PLD5: variants seen among roughly 807,000 people sequenced by gnomAD.
PLD5 encodes inactive phospholipase D5.
In PLD5, 36 loss-of-function variants were observed where a neutral mutation model predicts 61.1. The ratio of observed to expected loss-of-function variants is 0.59; its 90% CI spans 0.45 to 0.78. The LOEUF (loss-of-function observed/expected upper bound fraction) is 0.78, where lower values mean the gene tolerates loss of function less well. Ranked by LOEUF, PLD5 falls within the 30% of genes least tolerant of loss-of-function variation. PLD5 has a pLI of 0.00. For synonymous variants in PLD5, 243 were observed against 242.8 expected (o/e 1.00, Z -0.01); for missense variants, 515 against 644.4 (o/e 0.80, Z 2.17).
chr1:242,407,289 A>T (rs1664286522), intron 1 of PLD5, among the ~76,000 whole-genome samples: 1 of 152,092 alleles, frequency 6.6e-6, no homozygotes, highest in African/African-American at 2.4e-5. Flanking sequence ...CTGTGAGTCC[A>T]TTAAACCTCT....
chr1:242,163,247 C>G (rs568847616), intron 5 of PLD5, among the ~76,000 whole-genome samples: 171 of 149,198 alleles, frequency 1.1e-3, no homozygotes, highest in African/African-American at 4.2e-3. Context: ...GGGTTCATGC[C>G]ATTCTCCTGC....
intron 2 of PLD5, among the ~76,000 whole-genome samples, chr1:242,333,633 T>C (rs776179293): frequency 3.3e-5 from 5 of 152,182 alleles, no homozygotes; most frequent in East Asian, 1.9e-4. Context: ...AACCCATTTA[T>C]ATCCTTTTCC....
Position 242,176,696 on chromosome 1 carries a change from C to A in PLD5, c.735+43292G>T, listed in dbSNP as rs577886239. On this transcript the variant is annotated intron_variant, in intron 5 of 9. Transcript: ENST00000536534. ...TGCAATCTATCCATCTGACAAAGGGCTAATATCCAGCATCTACAAAGAACT... is the reference window on the plus strand; with the variant it reads ...TGCAATCTATCCATCTGACAAAGGGATAATATCCAGCATCTACAAAGAACT... 6.6e-5 allele frequency among the ~76,000 whole-genome samples: 10 copies of A among 152,278 alleles called. No homozygotes were observed. In the South Asian group the frequency reaches 1.9e-3, roughly 28 times the overall value.
intron 1 of PLD5, among the ~76,000 whole-genome samples, chr1:242,462,831 T>C (rs1667161518): frequency 6.6e-6 from 1 of 152,250 alleles, no homozygotes; most frequent in Non-Finnish European, 1.5e-5. Context: ...GACTAGATCA[T>C]CCAATACTCC....
chr1:242,357,322 A>G (rs1660806919), intron 1 of PLD5, among the ~76,000 whole-genome samples: 1 of 149,400 alleles, frequency 6.7e-6, no homozygotes, highest in Non-Finnish European at 1.5e-5. Flanking sequence ...TTTGTAGGTA[A>G]TATATTGCTT....
intron 1 of PLD5, among the ~76,000 whole-genome samples, chr1:242,485,918 A>G (rs1164393155): frequency 6.6e-6 from 1 of 152,214 alleles, no homozygotes; most frequent in Admixed American, 6.5e-5. Context: ...ACACATATCT[A>G]CAACTATCTG....
At chr1:242,249,352 C>T (rs961516166) in intron 4 of PLD5, among the ~76,000 whole-genome samples, 12 of 152,176 alleles carry the variant, frequency 7.9e-5, no homozygotes, top group Non-Finnish European at 1.6e-4. Flanking sequence ...CTTGTACATC[C>T]TAGCCTTCAG....
intron 3 of PLD5, among the ~76,000 whole-genome samples, chr1:242,267,770 C>G (rs1215888868): frequency 6.7e-6 from 1 of 150,348 alleles, no homozygotes; most frequent in South Asian, 2.1e-4. Flanking sequence ...GCCTGTAGTC[C>G]CTGCTACTCA....
chr1:242,224,994 TA>T (rs1231499787), intron 4 of PLD5, among the ~76,000 whole-genome samples: 1 of 152,194 alleles, frequency 6.6e-6, no homozygotes, highest in African/African-American at 2.4e-5. Flanking sequence ...CCTTGGCAAC[TA>T]CGCAGCAGGA....
chr1:242,518,332 T>C (rs1043384016), intron 1 of PLD5, among the ~76,000 whole-genome samples: 2 of 152,250 alleles, frequency 1.3e-5, no homozygotes, highest in Non-Finnish European at 2.9e-5. Flanking sequence ...AACATTTACG[T>C]TGTACCCTAA....
chr1:242,467,265 C>A (rs1161487438), intron 1 of PLD5, among the ~76,000 whole-genome samples: 2 of 151,950 alleles, frequency 1.3e-5, no homozygotes, highest in Non-Finnish European at 2.9e-5. Flanking sequence ...CTAAAAGAAA[C>A]TTTGTCTTTC....
At chr1:242,122,571 T>C (rs1202506157) in intron 6 of PLD5, among the ~76,000 whole-genome samples, 1 of 152,208 alleles carries the variant, frequency 6.6e-6, no homozygotes, top group East Asian at 1.9e-4. Context: ...CTCCTTGGCC[T>C]CCTGGTCTTA....
At chr1:242,399,680 A>G (rs185736659) in intron 1 of PLD5, among the ~76,000 whole-genome samples, 6 of 152,170 alleles carry the variant, frequency 3.9e-5, no homozygotes, top group African/African-American at 9.6e-5. Context: ...GGGGTCCCCA[A>G]TCCCCGGGCT....
At chr1:242,422,592 C>T (rs1665203578) in intron 1 of PLD5, among the ~76,000 whole-genome samples, 1 of 151,932 alleles carries the variant, frequency 6.6e-6, no homozygotes, top group Non-Finnish European at 1.5e-5. Context: ...TGAATTTTTC[C>T]ACAAGTTACA....
intron 2 of PLD5, among the ~76,000 whole-genome samples, chr1:242,293,917 T>C (rs1374646156): frequency 2.0e-5 from 3 of 152,306 alleles, no homozygotes; most frequent in Middle Eastern, 3.4e-3. Context: ...GACCTATAGT[T>C]TTATTTCTTT....
rs142892022 is a variant in PLD5 at position 242,505,951 on chromosome 1, A to C, written c.189+18137T>G. Among the ~76,000 whole-genome samples the C allele has an allele frequency of 9.8e-4, 150 of 152,382 alleles. 2 individuals carry two copies. Among genetic ancestry groups the C allele is most frequent in the African/African-American group, 3.4e-3 (141 of 41,592 alleles). On this transcript the variant is annotated intron_variant, in intron 1 of 9. Coordinates refer to ENST00000536534, the MANE Select transcript of PLD5 (RefSeq NM_001372062.1). The stretch of plus-strand genomic sequence containing the variant: ...TAAAGAGACTTGAATAAAAACCAGT[A>C]AGTGAAAAACAAATATATAGCACTT...
At position 242,344,983 on chromosome 1, in the gene PLD5, G is replaced by C. The variant is rs1349505230; in HGVS notation, c.326+3123C>G. Among the ~76,000 whole-genome samples, 4 of 152,282 alleles carry C rather than the reference G, an allele frequency of 2.6e-5. No homozygotes were observed. The East Asian group carries it at 7.7e-4, about 29-fold the overall frequency. ...GAGAGAAGCAAAAACAGAAACTCCTGATAAACCCATCAGATCTCGTGAGAC... is the reference window on the plus strand; with the variant it reads ...GAGAGAAGCAAAAACAGAAACTCCTCATAAACCCATCAGATCTCGTGAGAC... On this transcript the variant is annotated intron_variant, in intron 2 of 9. Transcript: ENST00000536534.
At chr1:242,230,839 T>G (rs1558374352) in intron 4 of PLD5, among the ~76,000 whole-genome samples, 1 of 152,210 alleles carries the variant, frequency 6.6e-6, no homozygotes, top group Admixed American at 6.5e-5. Context: ...AGTCTACAGG[T>G]TTGGACCTAC....
chr1:242,449,209 G>T, intron 1 of PLD5: 2 of 970,300 alleles, frequency 2.1e-6, no homozygotes, highest in South Asian at 1.5e-5. Flanking sequence ...GAGTGTTCCT[G>T]CCCTTCTCAT....
Sources: gnomAD v4.1 joint callset for allele counts (sites outside exome capture counted in the v4.1 genomes callset) on GRCh38, gnomAD v4.1.1 for gene constraint, MANE v1.5 for transcripts, NCBI Gene and HGNC (gene_info 2026-07-23, HGNC 2026-07-21) for gene names.